The following GPR83 variants were observed in gnomAD, a reference collection of about 807,000 sequenced individuals.
GPR83 encodes the protein G-protein coupled receptor 72.
A neutral mutation model predicts 28.0 loss-of-function variants in GPR83; 23 were observed. The ratio of observed to expected loss-of-function variants is 0.82; its 90% CI spans 0.59 to 1.16. GPR83 has a LOEUF of 1.16. GPR83 is among the 50% of genes most tolerant of loss of function. The pLI is 0.00. For synonymous variants in GPR83, 234 were observed against 215.4 expected, an observed-to-expected ratio of 1.09 and a Z score of -0.76; for missense variants, 610 against 536.6, an observed-to-expected ratio of 1.14 and a Z score of -1.35.
At position 94,381,584 on chromosome 11, in the gene GPR83, C is replaced by CGCGTGT. The variant is rs1554991077; in HGVS notation, c.648-812_648-811insACACGC. Among the ~76,000 whole-genome samples, 302 of 141,918 alleles carry CGCGTGT rather than the reference C, an allele frequency of 2.1e-3. 1 individual carries two copies. Among genetic ancestry groups the CGCGTGT allele is most frequent in the East Asian group, 0.011 (53 of 4,860 alleles). The allele number at this position is 141,918 out of a possible 152,430, so 93.1% of individuals were successfully genotyped here. A position where few individuals can be genotyped will look rare whatever the true frequency, so the allele number is the denominator to read the frequency against. On this transcript the variant is annotated intron_variant, in intron 3 of 3. Transcript: ENST00000243673. ...GTGTGTGTGTGTGTGTGTGTGCGCG[C>CGCGTGT]GTGCTGCAGGTGGGGTGGCACATGG...
Position 94,380,728 on chromosome 11 carries a change from T to G in GPR83, c.693A>C (p.Pro231=). 1 of 1,612,106 alleles carries G rather than the reference T, an allele frequency of 6.2e-7. No homozygotes were observed. Among genetic ancestry groups the G allele is most frequent in the South Asian group, 1.1e-5 (1 of 90,948 alleles). ...RSLCLPDFPE[P]ADLFWKYLDL... ...CCAGGTACTTCCAGAAGAGGTCAGC[T>G]GGCTCAGGGAAGTCTGGCAGGCAGA... Residue 231 remains proline, a synonymous_variant, in exon 4 of 4, where the codon CCA becomes CCC. Coordinates refer to ENST00000243673, the MANE Select transcript of GPR83 (RefSeq NM_016540.4).
intron 1 of GPR83, among the ~76,000 whole-genome samples, chr11:94,397,704 C>T (rs979789738): frequency 1.3e-5 from 2 of 152,194 alleles, no homozygotes; most frequent in Admixed American, 1.3e-4. Context: ...AAGTACTTAA[C>T]GCTATCAACT....
chr11:94,399,761 C>T (rs1944894382), intron 1 of GPR83, among the ~76,000 whole-genome samples: 1 of 152,088 alleles, frequency 6.6e-6, no homozygotes, highest in Admixed American at 6.6e-5. Context: ...CAAAGTTATT[C>T]CATAAAATGA....
chr11:94,396,469 CGGCTGACAT>C lies in GPR83; in HGVS notation c.434_442del (p.His145_Ser147del). On this transcript the variant is annotated inframe_deletion, in exon 2 of 4. Coordinates refer to ENST00000243673, the MANE Select transcript of GPR83 (RefSeq NM_016540.4). The stretch of plus-strand genomic sequence containing the variant: ...GTGCAGTGAGCAGTACTGGGCAAAG[CGGCTGACAT>C]GGCACATGCCCTTCCCAAATATCCA... The C allele has an allele frequency of 6.2e-7, 1 of 1,614,040 alleles. No individual in the cohort carries two copies.
intron 3 of GPR83, among the ~76,000 whole-genome samples, chr11:94,391,824 T>C (rs575074656): frequency 9.2e-5 from 14 of 152,218 alleles, no homozygotes; most frequent in Non-Finnish European, 1.5e-4. Context: ...CAGGAAACAA[T>C]TGATGCTGGA....
chr11:94,379,992 G>C lies in GPR83; in HGVS notation c.*157C>G. The C allele has an allele frequency of 2.0e-6, 1 of 493,176 alleles. No individual in the cohort carries two copies. Among genetic ancestry groups the C allele is most frequent in the Non-Finnish European group, 3.4e-6 (1 of 291,490 alleles). 30.6% of individuals were successfully genotyped at this position (493,176 alleles called of 1,614,324 possible). A position where few individuals can be genotyped will look rare whatever the true frequency, so the allele number is the denominator to read the frequency against. On this transcript the variant is annotated 3_prime_UTR_variant, in exon 4 of 4. Transcript: ENST00000243673. Reference sequence around the variant, plus strand: ...GTGCCTTTTAGTTTTCACATCACATGGGGCTAGGAGGCTGGACAGTTTCCT... The same window carrying C: ...GTGCCTTTTAGTTTTCACATCACATCGGGCTAGGAGGCTGGACAGTTTCCT...
chr11:94,400,660 A>C (rs1164031413), intron 1 of GPR83, among the ~76,000 whole-genome samples: 2 of 151,948 alleles, frequency 1.3e-5, no homozygotes, highest in East Asian at 3.9e-4. Flanking sequence ...AGATACAAGA[A>C]CCGAGATGAC....
Position 94,380,304 on chromosome 11 carries a change from T to C in GPR83, c.1117A>G (p.Arg373Gly), listed in dbSNP as rs1187847191. The C allele has an allele frequency of 3.1e-6, 5 of 1,604,018 alleles. No homozygotes were observed. In the Admixed American group the frequency reaches 5.0e-5, roughly 16 times the overall value. The change falls in exon 4 of 4, where the codon AGG (arginine) becomes GGG (glycine). Residue 373 changes from arginine to glycine, a missense_variant. Transcript: ENST00000243673. ...CQRPPKPQED[R>G]PPSPVPSFRV... The stretch of plus-strand genomic sequence containing the variant: ...AAGGAAGGAACTGGGGAGGGTGGCC[T>C]GTCCTCCTGAGGCTTGGGAGGTCTT...
At chr11:94,387,876 A>AAAG (rs1261723263) in intron 3 of GPR83, among the ~76,000 whole-genome samples, 1 of 151,284 alleles carries the variant, frequency 6.6e-6, no homozygotes, top group Non-Finnish European at 1.5e-5. Flanking sequence ...ACACAACAAA[A>AAAG]AGAATTTTAG....
intron 1 of GPR83, 48 bp downstream of exon 1, chr11:94,400,813 A>G: frequency 6.3e-7 from 1 of 1,579,012 alleles, no homozygotes; most frequent in South Asian, 1.2e-5. Flanking sequence ...TGAGAGAGGA[A>G]AGGGAGACGA....
In GPR83 at chr11:94,401,299, CGCTGGGATCGGAGCG is replaced by C. The variant is rs768681121; in HGVS notation, c.-67_-53del. On this transcript the variant is annotated 5_prime_UTR_variant, in exon 1 of 4. Transcript: ENST00000243673. ...AGCCTGCGGGCCGGGCGTCCCCTCC[CGCTGGGATCGGAGCG>C]CGCAGCCGGGGTGCGGGGCGCACAG... 22 of 1,517,268 alleles carry C rather than the reference CGCTGGGATCGGAGCG, an allele frequency of 1.4e-5. No homozygotes were observed. Among genetic ancestry groups the C allele is most frequent in the Non-Finnish European group, 1.7e-5 (19 of 1,139,312 alleles). The allele number at this position is 1,517,268 out of a possible 1,614,324, so 94.0% of individuals were successfully genotyped here.
At position 94,380,773 on chromosome 11, in the gene GPR83, A is replaced by G; in HGVS notation, c.648T>C (p.Ser216=). 6.2e-7 allele frequency: 1 copy of G among 1,603,630 alleles called. No homozygotes were observed. The highest frequency in any genetic ancestry group is 1.7e-5 in the Admixed American group (1 of 59,738). The change falls in exon 4 of 4, where the codon AGT becomes AGC. Residue 216 remains serine, a splice_region_variant and synonymous_variant. Coordinates refer to ENST00000243673, the MANE Select transcript of GPR83 (RefSeq NM_016540.4). The stretch of plus-strand genomic sequence containing the variant: ...GGCAGAGGGAGCGCACAATGTCCTC[A>G]CTGGGGGCAGGAAGTGGGGAGGGGG... ...ICQKLFTFKY[S]EDIVRSLCLP...
intron 1 of GPR83, among the ~76,000 whole-genome samples, chr11:94,400,337 G>A (rs376677507): frequency 2.6e-5 from 4 of 152,122 alleles, no homozygotes; most frequent in Non-Finnish European, 4.4e-5. Context: ...CAATGCCACC[G>A]CCGCAGAAGC....
intron 3 of GPR83, among the ~76,000 whole-genome samples, chr11:94,388,977 T>C (rs1944786982): frequency 6.6e-6 from 1 of 152,024 alleles, no homozygotes; most frequent in Admixed American, 6.6e-5. Flanking sequence ...AAAACAGAGA[T>C]ATAAACCAAT....
chr11:94,384,208 C>A (rs1944723463), intron 3 of GPR83, among the ~76,000 whole-genome samples: 1 of 152,130 alleles, frequency 6.6e-6, no homozygotes, highest in Non-Finnish European at 1.5e-5. Flanking sequence ...TACAATGTAT[C>A]ACACAAACAG....
At chr11:94,383,875 C>G (rs148382857) in intron 3 of GPR83, among the ~76,000 whole-genome samples, 4 of 152,144 alleles carry the variant, frequency 2.6e-5, no homozygotes, top group South Asian at 2.1e-4. Context: ...CAGGACCAGA[C>G]AGATTCACAG....
chr11:94,382,978 C>A (rs1321563146), intron 3 of GPR83, among the ~76,000 whole-genome samples: 1 of 151,682 alleles, frequency 6.6e-6, no homozygotes, highest in Admixed American at 6.6e-5. Context: ...TCCCGGCTAA[C>A]ACAGTGAAAC....
rs190979452 is a variant in GPR83, at chr11:94,390,427, G to C, written c.647+3058C>G. 2.4e-4 allele frequency among the ~76,000 whole-genome samples: 37 copies of C among 152,108 alleles called. No individual in the cohort carries two copies. The East Asian group carries it at 6.8e-3, about 28-fold the overall frequency. On this transcript the variant is annotated intron_variant, in intron 3 of 3. Transcript: ENST00000243673. ...AAAACTGGCATAAAATAAGGATGCC[G>C]TCTCTCACCACTCCTATTCAACGTA... is the stretch of plus-strand genomic sequence containing the variant.
At chr11:94,399,872 C>T (rs565992973) in intron 1 of GPR83, among the ~76,000 whole-genome samples, 6 of 152,292 alleles carry the variant, frequency 3.9e-5, no homozygotes, top group African/African-American at 4.8e-5. Context: ...CCACACTCCC[C>T]GGTCACAGCG....
Sources: allele counts gnomAD v4.1 joint callset (sites outside exome capture counted in the v4.1 genomes callset), GRCh38; gene constraint gnomAD v4.1.1; transcripts MANE v1.5; gene names NCBI Gene and HGNC (gene_info 2026-07-23, HGNC 2026-07-21).